Variants in FREM1 observed in about 807,000 individuals in gnomAD.
FREM1 encodes FRAS1-related extracellular matrix protein 1.
FREM1 carries 220 observed loss-of-function variants against 210.1 expected under a neutral mutation model. The observed-to-expected ratio is 1.05, with a 90% CI of 0.94 to 1.17. The LOEUF is 1.17. Ranked by LOEUF, FREM1 falls within the 50% of genes most tolerant of loss-of-function variation. The probability of loss-of-function intolerance (pLI) is 0.00; values close to 1 mark genes in which losing one functional copy is unlikely to be tolerated. For missense variants in FREM1, 3,454 were observed against 2,675.5 expected (o/e 1.29, Z -6.42); for synonymous variants, 1,189 against 980.2 (o/e 1.21, Z -3.98).
intron 1 of FREM1, among the ~76,000 whole-genome samples, chr9:14,885,582 C>T (rs540838949): frequency 6.6e-6 from 1 of 152,174 alleles, no homozygotes; most frequent in South Asian, 2.1e-4. Flanking sequence ...CCACATCTGG[C>T]TAATTGTTTT....
intron 35 of FREM1, among the ~76,000 whole-genome samples, chr9:14,745,175 T>A (rs2131961846): frequency 6.6e-6 from 1 of 152,306 alleles, no homozygotes; most frequent in South Asian, 2.1e-4. Flanking sequence ...ATAGGCTTAA[T>A]ACCTGGATGT....
intron 1 of FREM1, among the ~76,000 whole-genome samples, chr9:14,871,261 A>G (rs1169361372): frequency 1.3e-5 from 2 of 152,244 alleles, no homozygotes; most frequent in Non-Finnish European, 2.9e-5. Context: ...ACTAGTTTAC[A>G]GTCCTACCAA....
Position 14,775,903 on chromosome 9 carries a change from G to A in FREM1, c.4743C>T (p.His1581=). Residue 1581 remains histidine (H), a synonymous_variant, in exon 25 of 37, where the codon CAC becomes CAT. Transcript: ENST00000380880. Reference sequence around the variant, plus strand: ...AGTCAGTCTGGGAGTCCCCTCCTGAGTGCCGATAGGCCACATTCTTGCTGT... The same window carrying A: ...AGTCAGTCTGGGAGTCCCCTCCTGAATGCCGATAGGCCACATTCTTGCTGT... ...DVDSKNVAYR[H]SGGDSQTDCF... is the part of the protein sequence containing the mutation. 2 of 1,613,914 alleles carry A rather than the reference G, an allele frequency of 1.2e-6. No homozygotes were observed. The highest frequency in any genetic ancestry group is 1.7e-6 in the Non-Finnish European group (2 of 1,179,814).
At chr9:14,814,903 A>G (rs1820028396) in intron 15 of FREM1, among the ~76,000 whole-genome samples, 1 of 152,208 alleles carries the variant, frequency 6.6e-6, no homozygotes, top group Non-Finnish European at 1.5e-5. Context: ...CCCAAAATGC[A>G]CTGCCTATTG....
Position 14,770,702 on chromosome 9 carries a change from G to T in FREM1, c.4962C>A (p.Arg1654=), listed in dbSNP as rs750316161. The T allele has an allele frequency of 6.2e-6, 10 of 1,612,872 alleles. No individual in the cohort carries two copies. In the Admixed American group the frequency reaches 1.5e-4, roughly 24 times the overall value. The change falls in exon 26 of 37, where the codon CGC becomes CGA. Residue 1654 remains arginine (R), a synonymous_variant. Transcript: ENST00000380880. ...TGTCAGGGTCTGATGCCTTCAACAC[G>T]CGGGAAGTGATGTAAATCCCGTAGC... is the stretch of plus-strand genomic sequence containing the variant. ...NGCYGIYITS[R]VLKASDPDTE...
chr9:14,880,601 C>CA (rs35625770), intron 1 of FREM1, among the ~76,000 whole-genome samples: 3,374 of 75,330 alleles, frequency 0.045, 195 homozygotes, highest in African/African-American at 0.12. Flanking sequence ...GAGACTGTCT[C>CA]AAAAAAAAAA....
chr9:14,893,260 G>A (rs1292121555), intron 1 of FREM1, among the ~76,000 whole-genome samples: 1 of 152,214 alleles, frequency 6.6e-6, no homozygotes, highest in Non-Finnish European at 1.5e-5. Context: ...AAGAATTCGT[G>A]AGGCTAGTCT....
intron 14 of FREM1, 51 bp from the exon 15 acceptor site, chr9:14,816,922 A>G (rs763173134): frequency 3.3e-6 from 2 of 610,004 alleles, no homozygotes; most frequent in Non-Finnish European, 5.3e-6. Context: ...GTGAGAGTAA[A>G]TTGAGATGCA....
intron 10 of FREM1, among the ~76,000 whole-genome samples, chr9:14,833,927 C>A (rs1824044723): frequency 6.6e-6 from 1 of 152,140 alleles, no homozygotes; most frequent in Admixed American, 6.5e-5. Context: ...GCCACAGACC[C>A]CGTTTTGTGG....
intron 7 of FREM1, 141 bp downstream of exon 7, chr9:14,848,524 C>G (rs1014405960): frequency 9.9e-6 from 4 of 403,504 alleles, no homozygotes; most frequent in Non-Finnish European, 1.8e-5. Flanking sequence ...ACAAAAGCTA[C>G]TATGTGATGC....
intron 29 of FREM1, chr9:14,751,769 A>T (rs1411374709): frequency 2.0e-5 from 3 of 152,050 alleles, no homozygotes; most frequent in African/African-American, 7.3e-5. Context: ...CCTCACATAG[A>T]TCTCATGATC....
intron 10 of FREM1, among the ~76,000 whole-genome samples, chr9:14,827,443 C>T (rs866528338): frequency 6.6e-6 from 1 of 152,264 alleles, no homozygotes; most frequent in Middle Eastern, 3.4e-3. Context: ...CAGTTGAGCA[C>T]GTTGCATGGC....
intron 29 of FREM1, among the ~76,000 whole-genome samples, chr9:14,752,768 T>G (rs1843617671): frequency 1.3e-5 from 2 of 152,146 alleles, no homozygotes; most frequent in African/African-American, 4.8e-5. Flanking sequence ...ATCATGTAAA[T>G]AAAATCCAAT....
In FREM1 at chr9:14,819,286, G is replaced by T; in HGVS notation, c.2494C>A (p.Leu832Ile). 6.2e-7 allele frequency: 1 copy of T among 1,613,828 alleles called. No homozygotes were observed. Among genetic ancestry groups the T allele is most frequent in the East Asian group, 2.2e-5 (1 of 44,858 alleles). ...HGRVELNGFP[L>I]NSGGTFSWGD... ...CAAGAAAATGTGCCCCCTGAATTTAGAGGAAATCCATTCAGCTCCACCCTT... is the reference window on the plus strand; with the variant it reads ...CAAGAAAATGTGCCCCCTGAATTTATAGGAAATCCATTCAGCTCCACCCTT... The change falls in exon 14 of 37, where the codon CTA becomes ATA. Residue 832 changes from leucine to isoleucine, a missense_variant. Physicochemically the swap from Leu to Ile is conservative, Grantham distance 5. Transcript: ENST00000380880.
chr9:14,761,953 C>A (rs1023381015), intron 27 of FREM1, among the ~76,000 whole-genome samples: 4 of 152,192 alleles, frequency 2.6e-5, no homozygotes, highest in African/African-American at 9.6e-5. Flanking sequence ...CTGTGCCTAG[C>A]TTGTACATTA....
At position 14,770,698 on chromosome 9, in the gene FREM1, A is replaced by G. The variant is rs1304118405; in HGVS notation, c.4966T>C (p.Leu1656=). 1 of 1,613,448 alleles carries G rather than the reference A, an allele frequency of 6.2e-7. No individual in the cohort carries two copies. The highest frequency in any genetic ancestry group is 1.1e-5 in the South Asian group (1 of 91,062). Residue 1656 remains leucine (L), a synonymous_variant, in exon 26 of 37, where the codon TTG becomes CTG. Coordinates refer to ENST00000380880, the MANE Select transcript of FREM1 (RefSeq NM_001379081.2). ...TCAGTGTCAGGGTCTGATGCCTTCAACACGCGGGAAGTGATGTAAATCCCG... is the reference window on the plus strand; with the variant it reads ...TCAGTGTCAGGGTCTGATGCCTTCAGCACGCGGGAAGTGATGTAAATCCCG... ...CYGIYITSRV[L]KASDPDTEDD... is the part of the protein sequence containing the mutation.
At chr9:14,882,950 A>G (rs896404610) in intron 1 of FREM1, among the ~76,000 whole-genome samples, 4 of 134,824 alleles carry the variant, frequency 3.0e-5, no homozygotes, top group African/African-American at 2.7e-5. Context: ...TCTTGCCTCC[A>G]AAGTTCCCCT....
At chr9:14,800,467 T>C (rs79382821) in intron 20 of FREM1, among the ~76,000 whole-genome samples, 2 of 152,212 alleles carry the variant, frequency 1.3e-5, no homozygotes, top group Admixed American at 1.3e-4. Context: ...AAAAAATAAT[T>C]CAGGCTGCTA....
At chr9:14,739,332 G>C (rs2131847927) in intron 36 of FREM1, among the ~76,000 whole-genome samples, 1 of 151,192 alleles carries the variant, frequency 6.6e-6, no homozygotes, top group Non-Finnish European at 1.5e-5. Context: ...TCGAAATCCT[G>C]GGCTCAAGCA....
Sources: allele counts gnomAD v4.1 joint callset (sites outside exome capture counted in the v4.1 genomes callset), GRCh38; gene constraint gnomAD v4.1.1; transcripts MANE v1.5; gene names NCBI Gene and HGNC (gene_info 2026-07-23, HGNC 2026-07-21).